Variants in HPCAL1 observed in about 807,000 individuals in gnomAD.
The protein encoded by HPCAL1 is hippocalcin like 1.
In HPCAL1, 8 loss-of-function variants were observed where a neutral mutation model predicts 17.1. The observed-to-expected ratio is 0.47, with a 90% CI of 0.27 to 0.84. The LOEUF is 0.84. Ranked by LOEUF, HPCAL1 falls within the 40% of genes least tolerant of loss-of-function variation. The probability of loss-of-function intolerance (pLI) is 0.13; values close to 1 mark genes in which losing one functional copy is unlikely to be tolerated. For missense variants in HPCAL1, 165 were observed against 271.1 expected (o/e 0.61, Z 2.75); for synonymous variants, 112 against 111.4 (o/e 1.01, Z -0.03).
intron 1 of HPCAL1, among the ~76,000 whole-genome samples, chr2:10,372,513 G>A (rs1455122023): frequency 2.6e-5 from 4 of 152,128 alleles, no homozygotes; most frequent in African/African-American, 4.8e-5. Context: ...CAGTTGGATC[G>A]GGGAGGCGGA....
chr2:10,339,969 T>C (rs1174269725), intron 1 of HPCAL1, among the ~76,000 whole-genome samples: 2 of 152,234 alleles, frequency 1.3e-5, no homozygotes, highest in African/African-American at 4.8e-5. Flanking sequence ...GGGGAGGGGA[T>C]TCTTGGTTAG....
intron 1 of HPCAL1, among the ~76,000 whole-genome samples, chr2:10,345,946 A>G (rs376998990): frequency 6.6e-6 from 1 of 152,216 alleles, no homozygotes; most frequent in Non-Finnish European, 1.5e-5. Context: ...ACACAAGCAC[A>G]CAGATGGTCT....
At chr2:10,316,462 A>G (rs1179234868) in intron 1 of HPCAL1, among the ~76,000 whole-genome samples, 1 of 152,012 alleles carries the variant, frequency 6.6e-6, no homozygotes, top group East Asian at 1.9e-4. Flanking sequence ...GGTTGACCGT[A>G]TTTCTTTGCT....
At chr2:10,366,761 G>A (rs1345666992) in intron 1 of HPCAL1, among the ~76,000 whole-genome samples, 2 of 152,132 alleles carry the variant, frequency 1.3e-5, no homozygotes, top group Admixed American at 1.3e-4. Flanking sequence ...TTCCACTCCC[G>A]TCTTCTCCAC....
rs538366609 is a variant in HPCAL1, at chr2:10,365,463, C to A, written c.-110-31372C>A. Among the ~76,000 whole-genome samples, 1 of 152,160 alleles carries A rather than the reference C, an allele frequency of 6.6e-6. No homozygotes were observed. Among genetic ancestry groups the A allele is most frequent in the Non-Finnish European group, 1.5e-5 (1 of 68,028 alleles). On this transcript the variant is annotated intron_variant, in intron 1 of 4. Coordinates refer to ENST00000307845, the MANE Select transcript of HPCAL1 (RefSeq NM_002149.4). This position sits in a 1 kb window ranked among gnomAD's most constrained non-coding sequence, Gnocchi z 4.8. ...GTCTGTGCAGGAGTTGGAGGTAGAG[C>A]GGGTCGAAGGCTTGCGGAGGGACAG... is the stretch of plus-strand genomic sequence containing the variant.
At chr2:10,402,256 C>T (rs1422784506) in intron 2 of HPCAL1, among the ~76,000 whole-genome samples, 1 of 152,188 alleles carries the variant, frequency 6.6e-6, no homozygotes, top group Non-Finnish European at 1.5e-5. Context: ...GCTTTCCCGA[C>T]CAGACTGGAA....
At chr2:10,352,742 G>A (rs991005149) in intron 1 of HPCAL1, among the ~76,000 whole-genome samples, 6 of 152,224 alleles carry the variant, frequency 3.9e-5, no homozygotes, top group African/African-American at 1.2e-4. Flanking sequence ...AGGGCCTGGT[G>A]CCCCCCATCA....
intron 1 of HPCAL1, among the ~76,000 whole-genome samples, chr2:10,305,558 A>G (rs184600043): frequency 2.0e-5 from 3 of 152,362 alleles, no homozygotes; most frequent in East Asian, 3.9e-4. Flanking sequence ...TGGAACAGAA[A>G]TGTCAATGTG....
intron 1 of HPCAL1, among the ~76,000 whole-genome samples, chr2:10,327,819 C>G (rs1318685262): frequency 6.6e-6 from 1 of 152,206 alleles, no homozygotes; most frequent in Non-Finnish European, 1.5e-5. Flanking sequence ...GGACTGAATT[C>G]TCTGTGTAGC....
rs141029224 is a variant in HPCAL1, at chr2:10,423,205, C to T, written c.484+117C>T. 1.1e-4 allele frequency: 84 copies of T among 741,190 alleles called. 1 individual carries two copies. The highest frequency in any genetic ancestry group is 9.3e-4 in the African/African-American group (54 of 57,832). 45.9% of individuals were successfully genotyped at this position (741,190 alleles called of 1,614,324 possible). On this transcript the variant is annotated intron_variant, in intron 4 of 4. Transcript: ENST00000307845. ...TGGTCTCCTGAGGGCCACCCCCGCC[C>T]GCCACCTGCCTGGCGCCTGCCATGC...
chr2:10,424,657 G>A, intron 4 of HPCAL1: 1 of 470,336 alleles, frequency 2.1e-6, no homozygotes, highest in South Asian at 1.5e-5. Context: ...TAATGTGCCT[G>A]CTGGGATGGA....
chr2:10,327,344 T>G (rs1376358727), intron 1 of HPCAL1, among the ~76,000 whole-genome samples: 1 of 152,214 alleles, frequency 6.6e-6, no homozygotes, highest in Non-Finnish European at 1.5e-5. Flanking sequence ...ATGGATGGCC[T>G]GCAGGAAGGA....
At position 10,394,641 on chromosome 2, in the gene HPCAL1, G is replaced by A. The variant is rs1668899595; in HGVS notation, c.-110-2194G>A. Among the ~76,000 whole-genome samples, 1 of 152,196 alleles carries A rather than the reference G, an allele frequency of 6.6e-6. No homozygotes were observed. ...CTAACGTGAGCTGCGGACCTGGGGG[G>A]TGATGATGGTCAGTGCAGGTCCCTC... On this transcript the variant is annotated intron_variant, in intron 1 of 4. Coordinates refer to ENST00000307845, the MANE Select transcript of HPCAL1 (RefSeq NM_002149.4). The surrounding 1 kb of genome is among the most constrained non-coding windows in gnomAD (Gnocchi z 5.0).
intron 1 of HPCAL1, among the ~76,000 whole-genome samples, chr2:10,392,468 C>T (rs1294756001): frequency 6.6e-6 from 1 of 152,212 alleles, no homozygotes; most frequent in Non-Finnish European, 1.5e-5. Flanking sequence ...TTCAAATTGT[C>T]TCTTTCTTGA....
Position 10,377,178 on chromosome 2 carries a change from G to T in HPCAL1, c.-110-19657G>T, listed in dbSNP as rs780643099. ...GAACATCCTGCTGTTCAATAGTGAG[G>T]CTGCATCCTTCTAGAAAGCGCTGTT... On this transcript the variant is annotated intron_variant, in intron 1 of 4. Coordinates refer to ENST00000307845, the MANE Select transcript of HPCAL1 (RefSeq NM_002149.4). The surrounding 1 kb of genome is among the most constrained non-coding windows in gnomAD (Gnocchi z 5.9). 6.6e-6 allele frequency among the ~76,000 whole-genome samples: 1 copy of T among 152,146 alleles called. No individual in the cohort carries two copies.
intron 1 of HPCAL1, among the ~76,000 whole-genome samples, chr2:10,389,026 A>G (rs900348285): frequency 5.9e-5 from 9 of 152,206 alleles, no homozygotes; most frequent in Admixed American, 5.2e-4. Flanking sequence ...ACTCGACTCC[A>G]GAGGCAGGAC....
Position 10,419,950 on chromosome 2 carries a change from G to A in HPCAL1, c.193G>A (p.Ala65Thr). The A allele has an allele frequency of 1.2e-6, 2 of 1,613,942 alleles. No individual in the cohort carries two copies. The highest frequency in any genetic ancestry group is 1.7e-6 in the Non-Finnish European group (2 of 1,180,030). ...CCCCTACGGCGACGCTTCCAAGTTC[G>A]CCGAGCACGTCTTCCGCACCTTCGA... ...FFPYGDASKFAEHVFRTFDTN... is the reference protein window; with the variant it reads ...FFPYGDASKFTEHVFRTFDTN... The change falls in exon 3 of 5, where the codon GCC becomes ACC. Residue 65 changes from alanine to threonine, a missense_variant. By Grantham distance (58) the Ala-to-Thr change is moderately conservative (BLOSUM62 0). Coordinates refer to ENST00000307845, the MANE Select transcript of HPCAL1 (RefSeq NM_002149.4). This position sits in a 1 kb window ranked among gnomAD's most constrained non-coding sequence, Gnocchi z 5.0.
chr2:10,303,987 T>G (rs77144551), intron 1 of HPCAL1: 1 of 150,188 alleles, frequency 6.7e-6, no homozygotes, highest in Non-Finnish European at 1.5e-5. Flanking sequence ...TTTAAAATCC[T>G]TTTTTTTTCC....
chr2:10,393,850 C>T lies in HPCAL1; in HGVS notation c.-110-2985C>T, dbSNP rs150021047. ...CCCTTTAGGCCCGGGCGTGGTGGCT[C>T]ACACCTGTAATCCCAGTACTGAGGG... On this transcript the variant is annotated intron_variant, in intron 1 of 4. Transcript: ENST00000307845. Among the ~76,000 whole-genome samples the T allele has an allele frequency of 2.6e-4, 40 of 151,800 alleles. No individual in the cohort carries two copies. The East Asian group carries it at 7.7e-3, about 29-fold the overall frequency.
Sources: allele counts gnomAD v4.1 joint callset (sites outside exome capture counted in the v4.1 genomes callset), GRCh38; gene constraint gnomAD v4.1.1; non-coding constraint Gnocchi (gnomAD v3.1); transcripts MANE v1.5; gene names NCBI Gene and HGNC (gene_info 2026-07-23, HGNC 2026-07-21).